Variants in CASS4 observed in about 807,000 individuals in gnomAD.
CASS4 encodes the protein cas scaffolding protein family member 4.
Under a neutral mutation model 54.2 loss-of-function variants are expected in CASS4, and 22 were observed. That is an observed-to-expected ratio of 0.41 (90% CI 0.29 to 0.58). The LOEUF (loss-of-function observed/expected upper bound fraction) is 0.58, where lower values mean the gene tolerates loss of function less well. Ranked by LOEUF, CASS4 falls within the 20% of genes least tolerant of loss-of-function variation. CASS4 has a pLI of 0.36. For synonymous variants in CASS4, 409 were observed against 391.5 expected (o/e 1.04, Z -0.53); for missense variants, 854 against 986.7 (o/e 0.87, Z 1.80).
At chr20:56,422,859 C>A (rs550762683) in intron 1 of CASS4, among the ~76,000 whole-genome samples, 1 of 152,182 alleles carries the variant, frequency 6.6e-6, no homozygotes, top group Non-Finnish European at 1.5e-5. Flanking sequence ...TTTTCTTTTT[C>A]TCTCATATCC....
Position 56,416,533 on chromosome 20 carries a change from G to A in CASS4, c.36+4039G>A, listed in dbSNP as rs558791468. On this transcript the variant is annotated intron_variant, in intron 1 of 5. Transcript: ENST00000679887. ...CTATAAATTCTGTTTACTTCCGTGT[G>A]TGTGTGTGTGTGTGTGTGTGTGTGT... Among the ~76,000 whole-genome samples the A allele has an allele frequency of 1.3e-3, 149 of 113,068 alleles. 1 individual carries two copies. The East Asian group carries it at 0.025, about 19-fold the overall frequency. The allele number at this position is 113,068 out of a possible 152,430, so 74.2% of individuals were successfully genotyped here.
At chr20:56,435,487 G>A (rs1454489735) in intron 1 of CASS4, among the ~76,000 whole-genome samples, 1 of 152,156 alleles carries the variant, frequency 6.6e-6, no homozygotes, top group African/African-American at 2.4e-5. Flanking sequence ...TAATGAACAT[G>A]TATTGATATA....
chr20:56,456,784 T>A (rs1224771739), intron 5 of CASS4, among the ~76,000 whole-genome samples: 3 of 152,084 alleles, frequency 2.0e-5, no homozygotes, highest in African/African-American at 7.2e-5. Context: ...GTTCAATCGA[T>A]TCTCCCACCT....
Position 56,430,109 on chromosome 20 carries a change from A to ATGAATGAG in CASS4, c.37-7050_37-7049insGAGTGAAT, listed in dbSNP as rs1482710233. Among the ~76,000 whole-genome samples the ATGAATGAG allele has an allele frequency of 6.6e-6, 1 of 152,184 alleles. No homozygotes were observed. The highest frequency in any genetic ancestry group is 2.4e-5 in the African/African-American group (1 of 41,434). On this transcript the variant is annotated intron_variant, in intron 1 of 5. Transcript: ENST00000679887. This position sits in a 1 kb window ranked among gnomAD's most constrained non-coding sequence, Gnocchi z 4.2. Reference sequence around the variant, plus strand: ...ACAATCTTGGTGAATGAATGAATGAATGAATTGCTCCCCAGATTTCTCCAA... The same window carrying ATGAATGAG: ...ACAATCTTGGTGAATGAATGAATGAATGAATGAGTGAATTGCTCCCCAGATTTCTCCAA...
chr20:56,430,071 C>A lies in CASS4; in HGVS notation c.37-7093C>A, dbSNP rs566745341. 3.9e-5 allele frequency among the ~76,000 whole-genome samples: 6 copies of A among 152,326 alleles called. No homozygotes were observed. In the South Asian group the frequency reaches 6.2e-4, roughly 16 times the overall value. On this transcript the variant is annotated intron_variant, in intron 1 of 5. Transcript: ENST00000679887. The surrounding 1 kb of genome is among the most constrained non-coding windows in gnomAD (Gnocchi z 4.2). ...CCTCCAGCAGAGCCCCTGGAATACACGTGATGCTCAATACAATCTTGGTGA... is the reference window on the plus strand; with the variant it reads ...CCTCCAGCAGAGCCCCTGGAATACAAGTGATGCTCAATACAATCTTGGTGA...
At position 56,453,127 on chromosome 20, in the gene CASS4, C is replaced by G; in HGVS notation, c.1951C>G (p.Gln651Glu). 2.5e-6 allele frequency: 4 copies of G among 1,608,406 alleles called. No homozygotes were observed. The highest frequency in any genetic ancestry group is 3.4e-6 in the Non-Finnish European group (4 of 1,177,072). Reference protein sequence around the residue: ...LKKNRANICGQNPGPLIPQPS... With the variant: ...LKKNRANICGENPGPLIPQPS... ...GAAAAATAGGGCAAATATCTGTGGA[C>G]AGGTGAGTTCAGAGTTCCAAGTGAT... Residue 651 changes from glutamine (Q) to glutamate (E), a missense_variant and splice_region_variant, in exon 5 of 6, where the codon CAG (glutamine) becomes GAG (glutamate). Coordinates refer to ENST00000679887, the MANE Select transcript of CASS4 (RefSeq NM_020356.4).
intron 1 of CASS4, among the ~76,000 whole-genome samples, chr20:56,427,992 A>C (rs1432201593): frequency 6.6e-6 from 1 of 152,190 alleles, no homozygotes; most frequent in Non-Finnish European, 1.5e-5. Flanking sequence ...GACATCACTT[A>C]CAGCTCTGGC....
intron 1 of CASS4, among the ~76,000 whole-genome samples, chr20:56,428,264 C>T (rs534979272): frequency 4.0e-4 from 61 of 152,304 alleles, no homozygotes; most frequent in African/African-American, 1.4e-3. Context: ...GGCCATGATG[C>T]TGCCCTGACC....
At chr20:56,447,155 C>T (rs1277112628) in intron 3 of CASS4, among the ~76,000 whole-genome samples, 2 of 150,152 alleles carry the variant, frequency 1.3e-5, no homozygotes, top group Non-Finnish European at 2.9e-5. Context: ...TTGCAATGAG[C>T]TGAGATCACA....
At chr20:56,423,855 C>T (rs979780139) in intron 1 of CASS4, among the ~76,000 whole-genome samples, 3 of 152,090 alleles carry the variant, frequency 2.0e-5, no homozygotes, top group Non-Finnish European at 2.9e-5. Flanking sequence ...TTAAATGTTA[C>T]TTAAATATAA....
At chr20:56,449,690 G>C (rs1020855766) in intron 3 of CASS4, among the ~76,000 whole-genome samples, 1 of 151,468 alleles carries the variant, frequency 6.6e-6, no homozygotes, top group East Asian at 1.9e-4. Flanking sequence ...AAATAAAAAA[G>C]ATTTTTAGGA....
In CASS4 at chr20:56,412,355, G is replaced by T; in HGVS notation, c.-104G>T. 3.1e-6 allele frequency: 4 copies of T among 1,277,804 alleles called. No individual in the cohort carries two copies. Among genetic ancestry groups the T allele is most frequent in the Non-Finnish European group, 4.5e-6 (4 of 897,784 alleles). 79.2% of individuals were successfully genotyped at this position (1,277,804 alleles called of 1,614,324 possible). A position where few individuals can be genotyped will look rare whatever the true frequency, so the allele number is the denominator to read the frequency against. ...TTGTCAGATAGCTCCATAGAATTCAGTTTCTGAGAACCAGCCAGAAGCATG... is the reference window on the plus strand; with the variant it reads ...TTGTCAGATAGCTCCATAGAATTCATTTTCTGAGAACCAGCCAGAAGCATG... On this transcript the variant is annotated 5_prime_UTR_variant, in exon 1 of 6. Transcript: ENST00000679887. The surrounding 1 kb of genome is among the most constrained non-coding windows in gnomAD (Gnocchi z 4.2).
rs1232031711 is a variant in CASS4 at position 56,453,015 on chromosome 20, G to A, written c.1839G>A (p.Gln613=). ...AATTTAAGTGTGAAAAATACATCCAGCCTCCCCAAAGAGAAACTGAATCAC... is the reference window on the plus strand; with the variant it reads ...AATTTAAGTGTGAAAAATACATCCAACCTCCCCAAAGAGAAACTGAATCAC... ...NAEFKCEKYI[Q]PPQRETESHQ... Residue 613 remains glutamine (Q), a synonymous_variant, in exon 5 of 6, where the codon CAG becomes CAA. Coordinates refer to ENST00000679887, the MANE Select transcript of CASS4 (RefSeq NM_020356.4). 1.2e-6 allele frequency: 2 copies of A among 1,614,012 alleles called. No individual in the cohort carries two copies. Among genetic ancestry groups the A allele is most frequent in the East Asian group, 2.2e-5 (1 of 44,864 alleles).
chr20:56,444,583 G>A (rs567919092), intron 2 of CASS4, among the ~76,000 whole-genome samples: 5 of 152,316 alleles, frequency 3.3e-5, no homozygotes, highest in Admixed American at 2.0e-4. Context: ...AGGAGGTCTG[G>A]GTGGGAGACT....
intron 3 of CASS4, among the ~76,000 whole-genome samples, chr20:56,446,851 C>T (rs1044681436): frequency 6.6e-6 from 1 of 152,090 alleles, no homozygotes; most frequent in African/African-American, 2.4e-5. Flanking sequence ...GATTGAGAAC[C>T]ACAGTTCCAG....
intron 1 of CASS4, among the ~76,000 whole-genome samples, chr20:56,432,944 G>A (rs1281101055): frequency 1.3e-5 from 2 of 152,166 alleles, no homozygotes; most frequent in Non-Finnish European, 2.9e-5. Context: ...GACAGAAATA[G>A]GAGCGCTCAT....
rs1979047236 is a variant in CASS4, at chr20:56,414,686, C to T, written c.36+2192C>T. Among the ~76,000 whole-genome samples the T allele has an allele frequency of 6.6e-6, 1 of 152,266 alleles. No homozygotes were observed. Among genetic ancestry groups the T allele is most frequent in the African/African-American group, 2.4e-5 (1 of 41,552 alleles). The stretch of plus-strand genomic sequence containing the variant: ...TACAGATAGGCCGGGAGCGGTGGCT[C>T]ATGCCTGTAATCCCACCACTTTCAG... On this transcript the variant is annotated intron_variant, in intron 1 of 5. Transcript: ENST00000679887. The surrounding 1 kb of genome is among the most constrained non-coding windows in gnomAD (Gnocchi z 4.1).
intron 5 of CASS4, among the ~76,000 whole-genome samples, chr20:56,455,521 T>C (rs1981248908): frequency 6.6e-6 from 1 of 152,176 alleles, no homozygotes. Flanking sequence ...CAAACACTAG[T>C]CTTTGGGCCT....
intron 2 of CASS4, among the ~76,000 whole-genome samples, chr20:56,439,770 C>T (rs1980372301): frequency 6.6e-6 from 1 of 152,168 alleles, no homozygotes; most frequent in African/African-American, 2.4e-5. Context: ...TGCGCTATTT[C>T]CCTCAAAGCC....
Sources: allele counts gnomAD v4.1 joint callset (sites outside exome capture counted in the v4.1 genomes callset), GRCh38; gene constraint gnomAD v4.1.1; non-coding constraint Gnocchi (gnomAD v3.1); transcripts MANE v1.5; gene names NCBI Gene and HGNC (gene_info 2026-07-23, HGNC 2026-07-21).